Variants in SLC9A7 observed in about 807,000 individuals in gnomAD.
SLC9A7 encodes solute carrier family 9 member A7, also known as sodium/hydrogen exchanger 7.
Under a neutral mutation model 52.6 loss-of-function variants are expected in SLC9A7, and 19 were observed. The observed-to-expected ratio is 0.36, with a 90% CI of 0.25 to 0.53. The LOEUF (loss-of-function observed/expected upper bound fraction) is 0.53, where lower values mean the gene tolerates loss of function less well. SLC9A7 is among the 20% of genes least tolerant of loss of function. The probability of loss-of-function intolerance (pLI) is 0.91; values close to 1 mark genes in which losing one functional copy is unlikely to be tolerated. For synonymous variants in SLC9A7, 226 were observed against 252.1 expected (o/e 0.90, Z 0.98); for missense variants, 455 against 597.9 (o/e 0.76, Z 2.49).
intron 4 of SLC9A7, 24 bp downstream of exon 4, chrX:46,672,527 G>C (rs750886763): frequency 1.9e-5 from 22 of 1,148,321 alleles, no homozygotes; most frequent in Non-Finnish European, 2.6e-5. Context: ...TGTTAATTTG[G>C]TTATATGACA....
intron 1 of SLC9A7, among the ~76,000 whole-genome samples, chrX:46,682,854 C>T (rs1372922952): frequency 1.8e-5 from 2 of 108,651 alleles, no homozygotes; most frequent in Non-Finnish European, 3.8e-5. Context: ...AGTGCAGTGG[C>T]GTGATCTGGG....
intron 1 of SLC9A7, among the ~76,000 whole-genome samples, chrX:46,743,173 A>G (rs1314011356): frequency 1.8e-5 from 2 of 112,507 alleles, no homozygotes; most frequent in African/African-American, 6.5e-5. Context: ...ATTACTCTGC[A>G]GGAAAAAGTT....
In SLC9A7 at chrX:46,602,299, C is replaced by T. The variant is rs960611898; in HGVS notation, c.*4653G>A. 8.9e-6 allele frequency: 1 copy of T among 112,142 alleles called. No individual in the cohort carries two copies. Among genetic ancestry groups the T allele is most frequent in the African/African-American group, 3.2e-5 (1 of 30,822 alleles). The allele number at this position is 112,142 out of a possible 1,213,427, so 9.2% of individuals were successfully genotyped here. On this transcript the variant is annotated 3_prime_UTR_variant, in exon 17 of 17. Coordinates refer to ENST00000616978, the MANE Select transcript of SLC9A7 (RefSeq NM_001257291.2). ...CAAAGATTAGCATCAAACTCTCTCA[C>T]AGCTGCCCTGTCTGTATTACTGATC...
chrX:46,756,760 T>C (rs1556292688), intron 1 of SLC9A7, among the ~76,000 whole-genome samples: 1 of 112,383 alleles, frequency 8.9e-6, no homozygotes, highest in Non-Finnish European at 1.9e-5. Flanking sequence ...AATGCTGAGA[T>C]GATATTGCCT....
intron 1 of SLC9A7, among the ~76,000 whole-genome samples, chrX:46,691,964 C>T (rs1944386443): frequency 1.8e-5 from 2 of 111,210 alleles, no homozygotes; most frequent in Admixed American, 1.9e-4. Flanking sequence ...AAGACTCTCC[C>T]AGGGATTTAG....
chrX:46,630,621 A>AT (rs1409332013), intron 14 of SLC9A7, among the ~76,000 whole-genome samples: 1 of 112,046 alleles, frequency 8.9e-6, no homozygotes, highest in Non-Finnish European at 1.9e-5. Flanking sequence ...GCTGACCTGG[A>AT]TAAAGAGCCA....
At chrX:46,655,563 C>T (rs748075625) in intron 7 of SLC9A7, among the ~76,000 whole-genome samples, 21 of 112,079 alleles carry the variant, frequency 1.9e-4, no homozygotes, top group South Asian at 7.4e-4. Flanking sequence ...ACTTGGGAAG[C>T]GCAAGGGGTC....
At chrX:46,694,551 G>A (rs1944423711) in intron 1 of SLC9A7, among the ~76,000 whole-genome samples, 1 of 111,600 alleles carries the variant, frequency 9.0e-6, no homozygotes, top group African/African-American at 3.3e-5. Context: ...ACCATTTCAT[G>A]CCCACTAGAA....
At chrX:46,643,449 A>C in intron 11 of SLC9A7, 60 bp from the exon 12 acceptor site, 1 of 1,066,432 alleles carries the variant, frequency 9.4e-7, no homozygotes, top group Non-Finnish European at 1.3e-6. Context: ...TTGTCTCAAA[A>C]TGCACTGCTG....
chrX:46,650,823 A>G (rs1372330408), intron 10 of SLC9A7, among the ~76,000 whole-genome samples: 1 of 111,807 alleles, frequency 8.9e-6, no homozygotes, highest in Non-Finnish European at 1.9e-5. Flanking sequence ...GCCATCTTAC[A>G]TAGAAAAGGC....
intron 1 of SLC9A7, among the ~76,000 whole-genome samples, chrX:46,705,045 A>G (rs1944583439): frequency 8.9e-6 from 1 of 112,486 alleles, no homozygotes. Context: ...AAGATGAGTC[A>G]GACTTGTACA....
chrX:46,703,844 A>G (rs181136371), intron 1 of SLC9A7, among the ~76,000 whole-genome samples: 1 of 112,115 alleles, frequency 8.9e-6, no homozygotes, highest in Non-Finnish European at 1.9e-5. Flanking sequence ...TCTCAGGTTT[A>G]TAAATGTATC....
chrX:46,667,890 T>C (rs2146831747), intron 5 of SLC9A7, among the ~76,000 whole-genome samples: 1 of 112,133 alleles, frequency 8.9e-6, no homozygotes, highest in Admixed American at 9.5e-5. Flanking sequence ...AAAGGAGAAC[T>C]TTTTTGTTTG....
At chrX:46,725,273 A>G (rs1248345886) in intron 1 of SLC9A7, 5 of 1,141,331 alleles carry the variant, frequency 4.4e-6, no homozygotes, top group Non-Finnish European at 6.0e-6. Context: ...TCTCATACAA[A>G]TAAGAACTGT....
intron 16 of SLC9A7, among the ~76,000 whole-genome samples, chrX:46,611,237 C>T (rs1307083064): frequency 1.8e-5 from 2 of 112,155 alleles, no homozygotes; most frequent in Non-Finnish European, 3.8e-5. Context: ...AATTACAAAA[C>T]TAAGTTTTTA....
intron 1 of SLC9A7, among the ~76,000 whole-genome samples, chrX:46,738,373 C>T (rs774132538): frequency 1.8e-5 from 2 of 112,640 alleles, no homozygotes; most frequent in African/African-American, 3.2e-5. Context: ...GGCTTAATTA[C>T]AGGACTCCTG....
In SLC9A7 at chrX:46,606,772, CT is replaced by C. The variant is rs1181141231; in HGVS notation, c.*179del. ...CTACGTTTGTCTGAATTTAGAGACACTTTTGCCTCACCATCTGCATTGTGAG... is the reference window on the plus strand; with the variant it reads ...CTACGTTTGTCTGAATTTAGAGACACTTTGCCTCACCATCTGCATTGTGAG... On this transcript the variant is annotated 3_prime_UTR_variant, in exon 17 of 17. Coordinates refer to ENST00000616978, the MANE Select transcript of SLC9A7 (RefSeq NM_001257291.2). The C allele has an allele frequency of 9.1e-7, 1 of 1,093,945 alleles. No individual in the cohort carries two copies. The highest frequency in any genetic ancestry group is 1.2e-6 in the Non-Finnish European group (1 of 840,157). The allele number at this position is 1,093,945 out of a possible 1,213,427, so 90.2% of individuals were successfully genotyped here. A position where few individuals can be genotyped will look rare whatever the true frequency, so the allele number is the denominator to read the frequency against.
intron 3 of SLC9A7, 57 bp downstream of exon 3, chrX:46,679,621 A>G: frequency 1.1e-6 from 1 of 896,721 alleles, no homozygotes; most frequent in Non-Finnish European, 1.6e-6. Flanking sequence ...AAAATTATGC[A>G]GGTAAATTAA....
At position 46,661,277 on chromosome X, in the gene SLC9A7, A is replaced by G. The variant is rs1381281534; in HGVS notation, c.1041+739T>C. Among the ~76,000 whole-genome samples the G allele has an allele frequency of 4.4e-3, 483 of 110,445 alleles. 5 individuals carry two copies. Among genetic ancestry groups the G allele is most frequent in the African/African-American group, 0.015 (462 of 30,313 alleles). ...TGGGAGATATACCTAATGCTAGATG[A>G]CGAGTTAGTGGGTGCAGCGCACCAG... On this transcript the variant is annotated intron_variant, in intron 7 of 16. Transcript: ENST00000616978.
Sources: allele counts gnomAD v4.1 joint callset (sites outside exome capture counted in the v4.1 genomes callset), GRCh38; gene constraint gnomAD v4.1.1; transcripts MANE v1.5; gene names NCBI Gene and HGNC (gene_info 2026-07-23, HGNC 2026-07-21).